The following GPR158 variants were observed in gnomAD, a reference collection of about 807,000 sequenced individuals.
GPR158 encodes the protein G protein-coupled receptor 158.
Under a neutral mutation model 78.2 loss-of-function variants are expected in GPR158, and 30 were observed. The observed-to-expected ratio is 0.38, with a 90% CI of 0.29 to 0.52. GPR158 has a LOEUF of 0.52. GPR158 is among the 20% of genes least tolerant of loss of function. GPR158 has a pLI of 0.83. For synonymous variants in GPR158, 581 were observed against 591.1 expected (o/e 0.98, Z 0.25); for missense variants, 1,463 against 1,523.5 (o/e 0.96, Z 0.66).
intron 5 of GPR158, among the ~76,000 whole-genome samples, chr10:25,522,160 T>C (rs1206461777): frequency 2.0e-5 from 3 of 152,242 alleles, no homozygotes; most frequent in African/African-American, 7.2e-5. Context: ...CTTCTTACTA[T>C]GTAAGTTAAG....
At chr10:25,570,741 C>T (rs2130730175) in intron 6 of GPR158, among the ~76,000 whole-genome samples, 1 of 152,122 alleles carries the variant, frequency 6.6e-6, no homozygotes. Flanking sequence ...ATGGTGAAAC[C>T]CCGTTTCTAC....
chr10:25,292,874 A>C (rs567151403), intron 2 of GPR158, among the ~76,000 whole-genome samples: 1 of 152,218 alleles, frequency 6.6e-6, no homozygotes, highest in African/African-American at 2.4e-5. Flanking sequence ...GTCTAAATCT[A>C]TATGGTTCAT....
intron 5 of GPR158, among the ~76,000 whole-genome samples, chr10:25,483,334 A>G (rs867362207): frequency 6.6e-6 from 1 of 151,950 alleles, no homozygotes. Context: ...ACCAGGCACA[A>G]TCCCACCTCA....
intron 2 of GPR158, among the ~76,000 whole-genome samples, chr10:25,225,824 A>G (rs1170736449): frequency 1.3e-5 from 2 of 152,168 alleles, no homozygotes; most frequent in African/African-American, 4.8e-5. Context: ...CATTAGATGT[A>G]GTTTAATGAA....
At chr10:25,447,947 CAG>C (rs1835159127) in intron 4 of GPR158, among the ~76,000 whole-genome samples, 3 of 152,210 alleles carry the variant, frequency 2.0e-5, no homozygotes, top group Admixed American at 2.0e-4. Flanking sequence ...CCTTGGCAGT[CAG>C]TCCCACACCT....
At chr10:25,369,684 A>T (rs962032049) in intron 2 of GPR158, among the ~76,000 whole-genome samples, 8 of 151,760 alleles carry the variant, frequency 5.3e-5, no homozygotes, top group Admixed American at 4.6e-4. Context: ...TGGCCTCATA[A>T]AATGAGTTAG....
chr10:25,346,830 A>G (rs796860534), intron 2 of GPR158, among the ~76,000 whole-genome samples: 17 of 152,080 alleles, frequency 1.1e-4, no homozygotes, highest in African/African-American at 3.6e-4. Flanking sequence ...GCTATCCTCC[A>G]GTATACCTGA....
At chr10:25,196,701 T>A (rs1852849838) in intron 1 of GPR158, among the ~76,000 whole-genome samples, 1 of 152,226 alleles carries the variant, frequency 6.6e-6, no homozygotes. Context: ...CTAGGAGAAC[T>A]AATAACCATT....
At chr10:25,324,834 T>TC (rs1396559758) in intron 2 of GPR158, among the ~76,000 whole-genome samples, 187 of 147,140 alleles carry the variant, frequency 1.3e-3, no homozygotes, top group African/African-American at 4.1e-3. Context: ...TTTCTTTCTT[T>TC]TTTTTTTTTT....
At chr10:25,262,444 G>C (rs942766517) in intron 2 of GPR158, among the ~76,000 whole-genome samples, 11 of 152,072 alleles carry the variant, frequency 7.2e-5, no homozygotes, top group Admixed American at 2.6e-4. Context: ...ATGGATAAAG[G>C]AAACCCAGGA....
chr10:25,203,094 A>G (rs571103806), intron 1 of GPR158, among the ~76,000 whole-genome samples: 1 of 151,856 alleles, frequency 6.6e-6, no homozygotes, highest in Admixed American at 6.6e-5. Flanking sequence ...CCACTTTTTG[A>G]TGGGGTTTGA....
chr10:25,340,887 C>G (rs1564426961), intron 2 of GPR158, among the ~76,000 whole-genome samples: 1 of 151,916 alleles, frequency 6.6e-6, no homozygotes, highest in Non-Finnish European at 1.5e-5. Flanking sequence ...GTACTATTAA[C>G]TCCAAGGAGG....
intron 7 of GPR158, among the ~76,000 whole-genome samples, chr10:25,587,021 A>G (rs1837278970): frequency 6.6e-6 from 1 of 152,194 alleles, no homozygotes; most frequent in Non-Finnish European, 1.5e-5. Flanking sequence ...ACCGACTAAA[A>G]TTAGAGGTTT....
At chr10:25,540,293 A>G (rs1836560561) in intron 5 of GPR158, among the ~76,000 whole-genome samples, 1 of 152,206 alleles carries the variant, frequency 6.6e-6, no homozygotes, top group Admixed American at 6.5e-5. Context: ...TCAGGAAACA[A>G]CAGGTGCTGG....
At chr10:25,470,147 G>C (rs1022103218) in intron 5 of GPR158, among the ~76,000 whole-genome samples, 1 of 108,976 alleles carries the variant, frequency 9.2e-6, no homozygotes, top group African/African-American at 3.7e-5. Context: ...TATGTAGATC[G>C]AGTGTTCTTT....
chr10:25,451,324 T>C (rs1226785159), intron 4 of GPR158, among the ~76,000 whole-genome samples: 1 of 152,228 alleles, frequency 6.6e-6, no homozygotes, highest in Non-Finnish European at 1.5e-5. Flanking sequence ...TAATCAGTGA[T>C]TGACAGTATC....
At chr10:25,228,693 C>G (rs1853406867) in intron 2 of GPR158, among the ~76,000 whole-genome samples, 2 of 152,042 alleles carry the variant, frequency 1.3e-5, no homozygotes, top group Admixed American at 1.3e-4. Context: ...ATGTGAGCCC[C>G]TTTAGTTTTG....
intron 2 of GPR158, among the ~76,000 whole-genome samples, chr10:25,311,264 A>G (rs1854760162): frequency 6.6e-6 from 1 of 151,992 alleles, no homozygotes; most frequent in African/African-American, 2.4e-5. Flanking sequence ...GACTCAGGGA[A>G]AATGACACCT....
chr10:25,320,391 G>C (rs1292258464), intron 2 of GPR158, among the ~76,000 whole-genome samples: 1 of 152,194 alleles, frequency 6.6e-6, no homozygotes, highest in Non-Finnish European at 1.5e-5. Context: ...TGTGATCATG[G>C]AAGAGAGAGA....
Sources: gnomAD v4.1 joint callset for allele counts (sites outside exome capture counted in the v4.1 genomes callset) on GRCh38, gnomAD v4.1.1 for gene constraint, MANE v1.5 for transcripts, NCBI Gene and HGNC (gene_info 2026-07-23, HGNC 2026-07-21) for gene names.